Variants in TFDP2 observed in about 807,000 individuals in gnomAD.
TFDP2 encodes transcription factor Dp-2, also known as transcription factor Dp-2 (E2F dimerization partner 2).
Under a neutral mutation model 59.3 loss-of-function variants are expected in TFDP2, and 17 were observed. The observed-to-expected ratio is 0.29, with a 90% CI of 0.20 to 0.43. The LOEUF (loss-of-function observed/expected upper bound fraction) is 0.43, where lower values mean the gene tolerates loss of function less well. Among genes scored for constraint, TFDP2 ranks in the 20% least tolerant of loss-of-function variants. The pLI, the probability that TFDP2 is intolerant of heterozygous loss-of-function variation, is 1.00. For synonymous variants in TFDP2, 180 were observed against 194.7 expected (o/e 0.92, Z 0.63); for missense variants, 391 against 528.8 (o/e 0.74, Z 2.56).
intron 1 of TFDP2, among the ~76,000 whole-genome samples, chr3:142,132,498 G>A (rs2062553815): frequency 6.7e-6 from 1 of 149,686 alleles, no homozygotes; most frequent in East Asian, 1.9e-4. Flanking sequence ...AGCACTTTGA[G>A]ACTCTGAGAG....
chr3:142,030,523 C>T (rs1015350347), intron 3 of TFDP2, among the ~76,000 whole-genome samples: 3 of 152,214 alleles, frequency 2.0e-5, no homozygotes, highest in South Asian at 2.1e-4. Context: ...TTAAACTCCC[C>T]ATCCTGCTTT....
intron 3 of TFDP2, among the ~76,000 whole-genome samples, chr3:142,064,298 T>C (rs1301212950): frequency 6.6e-6 from 1 of 152,166 alleles, no homozygotes; most frequent in Non-Finnish European, 1.5e-5. Context: ...TGAGAACTTG[T>C]TAGCGATACC....
chr3:142,023,809 T>G (rs753267973), intron 3 of TFDP2, among the ~76,000 whole-genome samples: 1 of 152,142 alleles, frequency 6.6e-6, no homozygotes, highest in Non-Finnish European at 1.5e-5. Context: ...TTAAAGATTT[T>G]TAAATTTTTT....
At chr3:142,033,175 A>T (rs960485180) in intron 3 of TFDP2, among the ~76,000 whole-genome samples, 1 of 152,210 alleles carries the variant, frequency 6.6e-6, no homozygotes, top group African/African-American at 2.4e-5. Flanking sequence ...AGCCTGGGCG[A>T]CTGAGTGAGA....
intron 4 of TFDP2, among the ~76,000 whole-genome samples, chr3:141,999,922 A>T (rs1943618021): frequency 6.6e-6 from 1 of 152,124 alleles, no homozygotes; most frequent in Non-Finnish European, 1.5e-5. Flanking sequence ...CTTTTAGTAG[A>T]GACGGGGTTT....
At position 142,121,246 on chromosome 3, in the gene TFDP2, C is replaced by T. The variant is rs1261550686; in HGVS notation, c.-92-19405G>A. On this transcript the variant is annotated intron_variant, in intron 1 of 12. Coordinates refer to ENST00000489671, the MANE Select transcript of TFDP2 (RefSeq NM_001178139.2). The surrounding 1 kb of genome is among the most constrained non-coding windows in gnomAD (Gnocchi z 4.3). The stretch of plus-strand genomic sequence containing the variant: ...ATTCAACAAACATTTAGTCAATGCC[C>T]ATCATGTACCCAGCATTGTGCTCTA... Among the ~76,000 whole-genome samples the T allele has an allele frequency of 1.3e-5, 2 of 152,118 alleles. No individual in the cohort carries two copies. Among genetic ancestry groups the T allele is most frequent in the Non-Finnish European group, 2.9e-5 (2 of 68,034 alleles).
chr3:141,985,554 T>C (rs1163940804), intron 6 of TFDP2, among the ~76,000 whole-genome samples: 1 of 151,768 alleles, frequency 6.6e-6, no homozygotes, highest in Non-Finnish European at 1.5e-5. Flanking sequence ...CACCTATTTT[T>C]TCTTCATAGA....
intron 2 of TFDP2, among the ~76,000 whole-genome samples, chr3:142,099,899 T>C (rs1396961887): frequency 6.6e-6 from 1 of 152,120 alleles, no homozygotes. Context: ...CCTCTTCTAA[T>C]TAAACAGCAC....
intron 3 of TFDP2, among the ~76,000 whole-genome samples, chr3:142,047,369 AATT>A (rs1168011937): frequency 6.6e-6 from 1 of 152,184 alleles, no homozygotes; most frequent in Non-Finnish European, 1.5e-5. Context: ...ATCAGGTGTG[AATT>A]ATAATAACAC....
At chr3:142,075,906 C>CAAAAAAAAAAAAAAAAAAAA (rs60581045) in intron 3 of TFDP2, among the ~76,000 whole-genome samples, 31 of 80,704 alleles carry the variant, frequency 3.8e-4, no homozygotes, top group African/African-American at 1.7e-3. Context: ...GAACCTGCCT[C>CAAAAAAAAAAAAAAAAAAAA]AAAAAAAAAA....
Position 142,111,547 on chromosome 3 carries a change from G to GA in TFDP2, c.-92-9707dup, listed in dbSNP as rs201735917. Reference sequence around the variant, plus strand: ...GTTTGAGCTGAGCTCACCAAAAAAAGAAAAAAAAACACACAAACTGAGTAA... The same window carrying GA: ...GTTTGAGCTGAGCTCACCAAAAAAAGAAAAAAAAAACACACAAACTGAGTAA... On this transcript the variant is annotated intron_variant, in intron 1 of 12. Transcript: ENST00000489671. 2.6e-3 allele frequency among the ~76,000 whole-genome samples: 384 copies of GA among 147,606 alleles called. 1 individual carries two copies. Among genetic ancestry groups the GA allele is most frequent in the African/African-American group, 8.4e-3 (337 of 40,078 alleles).
intron 1 of TFDP2, among the ~76,000 whole-genome samples, chr3:142,126,590 T>G (rs879436465): frequency 1.3e-5 from 2 of 152,120 alleles, no homozygotes; most frequent in Non-Finnish European, 2.9e-5. Context: ...ATAATTAAAA[T>G]GTACTATAAG....
chr3:141,998,858 T>C (rs755876101), intron 4 of TFDP2, among the ~76,000 whole-genome samples: 1 of 152,164 alleles, frequency 6.6e-6, no homozygotes, highest in Non-Finnish European at 1.5e-5. Flanking sequence ...ACATATTTTA[T>C]GTGCTACTGC....
intron 3 of TFDP2, among the ~76,000 whole-genome samples, chr3:142,006,469 A>AT (rs61099247): frequency 0.089 from 12,221 of 137,550 alleles, 1,760 homozygotes; most frequent in African/African-American, 0.3. Flanking sequence ...TTCCCTTACT[A>AT]TTTTTTTTTT....
intron 3 of TFDP2, among the ~76,000 whole-genome samples, chr3:142,021,454 T>C (rs1301733799): frequency 6.6e-6 from 1 of 152,214 alleles, no homozygotes; most frequent in Admixed American, 6.5e-5. Flanking sequence ...AAAGGATCCT[T>C]GAAATGACCA....
chr3:142,132,738 C>T (rs2062563328), intron 1 of TFDP2, among the ~76,000 whole-genome samples: 2 of 132,106 alleles, frequency 1.5e-5, no homozygotes, highest in South Asian at 2.3e-4. Context: ...GATTAAGACG[C>T]TATCTCAAAA....
intron 10 of TFDP2, among the ~76,000 whole-genome samples, chr3:141,960,444 C>T (rs370235973): frequency 3.3e-5 from 5 of 152,300 alleles, no homozygotes; most frequent in Middle Eastern, 3.4e-3. Flanking sequence ...TTCCCAGCTT[C>T]CCAGCAGCCC....
chr3:141,952,965 G>A lies in TFDP2; in HGVS notation c.1103C>T (p.Thr368Ile). Residue 368 changes from threonine to isoleucine, a missense_variant, in exon 12 of 13, where the codon ACC (threonine) becomes ATC (isoleucine). By Grantham distance (89) the Thr-to-Ile change is moderately conservative. Transcript: ENST00000489671. ...CAGGTCTAAATTTGAAACTGATTGGGTAGAGTTCAGAAGTAGTCCCTGATT... is the reference window on the plus strand; with the variant it reads ...CAGGTCTAAATTTGAAACTGATTGGATAGAGTTCAGAAGTAGTCCCTGATT... ...WLNQGLLLNSTQSVSNLDLTT... is the reference protein window; with the variant it reads ...WLNQGLLLNSIQSVSNLDLTT... 2 of 1,614,152 alleles carry A rather than the reference G, an allele frequency of 1.2e-6. No homozygotes were observed. The highest frequency in any genetic ancestry group is 1.7e-6 in the Non-Finnish European group (2 of 1,180,016).
intron 3 of TFDP2, among the ~76,000 whole-genome samples, chr3:142,023,139 A>G (rs556276136): frequency 1.5e-3 from 221 of 150,692 alleles, no homozygotes; most frequent in African/African-American, 2.8e-3. Context: ...AAAAAAAAAA[A>G]AAAAGAAAAA....
Sources: allele counts gnomAD v4.1 joint callset (sites outside exome capture counted in the v4.1 genomes callset), GRCh38; gene constraint gnomAD v4.1.1; non-coding constraint Gnocchi (gnomAD v3.1); transcripts MANE v1.5; gene names NCBI Gene and HGNC (gene_info 2026-07-23, HGNC 2026-07-21).